The following GRIN2A variants were observed in gnomAD, a reference collection of about 807,000 sequenced individuals.
GRIN2A encodes the protein glutamate receptor ionotropic, NMDA 2A.
GRIN2A carries 22 observed loss-of-function variants against 113.4 expected under a neutral mutation model. That is an observed-to-expected ratio of 0.19 (90% CI 0.14 to 0.28). The LOEUF (loss-of-function observed/expected upper bound fraction) is 0.28. Among genes scored for constraint, GRIN2A ranks in the 10% least tolerant of loss-of-function variants. GRIN2A has a pLI of 1.00. For synonymous variants in GRIN2A, 827 were observed against 738.4 expected (o/e 1.12, Z -1.94); for missense variants, 1,502 against 1,887.0 (o/e 0.80, Z 3.78).
intron 2 of GRIN2A, among the ~76,000 whole-genome samples, chr16:10,123,651 G>T (rs2048874164): frequency 1.3e-5 from 2 of 152,150 alleles, no homozygotes; most frequent in Admixed American, 1.3e-4. Context: ...CGGTCAGTCT[G>T]GATGGGACCT....
In GRIN2A at chr16:10,106,961, T is replaced by C. The variant is rs556879349; in HGVS notation, c.414+73037A>G. On this transcript the variant is annotated intron_variant, in intron 2 of 12. Coordinates refer to ENST00000330684, the MANE Select transcript of GRIN2A (RefSeq NM_001134407.3). ...TTTCAGAGGAAGAAACTAAGACAAA[T>C]GAATCAGACAGAAGACATGATGTTC... 2.0e-5 allele frequency among the ~76,000 whole-genome samples: 3 copies of C among 152,044 alleles called. No individual in the cohort carries two copies. The South Asian group carries it at 6.3e-4, about 32-fold the overall frequency.
intron 2 of GRIN2A, among the ~76,000 whole-genome samples, chr16:10,144,905 A>G (rs2049404441): frequency 7.3e-6 from 1 of 137,496 alleles, no homozygotes; most frequent in East Asian, 2.0e-4. Context: ...TGGGCGACAG[A>G]GCAAGACCCT....
At chr16:10,135,536 A>G (rs1260803102) in intron 2 of GRIN2A, among the ~76,000 whole-genome samples, 3 of 152,196 alleles carry the variant, frequency 2.0e-5, no homozygotes, top group African/African-American at 7.2e-5. Context: ...TTTTTAAGGT[A>G]TTTGTTACAA....
chr16:9,922,137 A>G (rs754164738), intron 3 of GRIN2A, among the ~76,000 whole-genome samples: 2 of 152,184 alleles, frequency 1.3e-5, no homozygotes, highest in Non-Finnish European at 2.9e-5. Context: ...TGGAGCTACC[A>G]CTTACATCCT....
chr16:9,844,831 T>C (rs1820548239), intron 5 of GRIN2A, among the ~76,000 whole-genome samples: 1 of 152,186 alleles, frequency 6.6e-6, no homozygotes, highest in African/African-American at 2.4e-5. Context: ...TCAGGCCAAA[T>C]GATTTTTCCA....
intron 9 of GRIN2A, among the ~76,000 whole-genome samples, chr16:9,822,737 T>A (rs1420884161): frequency 6.6e-6 from 1 of 152,132 alleles, no homozygotes; most frequent in Non-Finnish European, 1.5e-5. Flanking sequence ...TTCAGTGCCA[T>A]TACAGAGACT....
At chr16:9,781,473 A>C (rs1901932055) in intron 11 of GRIN2A, among the ~76,000 whole-genome samples, 1 of 152,050 alleles carries the variant, frequency 6.6e-6, no homozygotes, top group African/African-American at 2.4e-5. Flanking sequence ...TGATCCTCCC[A>C]CCTCAGCTTC....
chr16:9,871,894 AG>A (rs2043268876), intron 4 of GRIN2A, among the ~76,000 whole-genome samples: 1 of 152,206 alleles, frequency 6.6e-6, no homozygotes, highest in African/African-American at 2.4e-5. Context: ...ATTTGATTGA[AG>A]AAAGTAGCAG....
intron 2 of GRIN2A, among the ~76,000 whole-genome samples, chr16:10,089,779 G>A (rs1020072247): frequency 6.6e-6 from 1 of 152,240 alleles, no homozygotes; most frequent in South Asian, 2.1e-4. Context: ...GTCTTGATAA[G>A]GTTCCATCAT....
intron 2 of GRIN2A, among the ~76,000 whole-genome samples, chr16:9,993,280 G>T (rs966534713): frequency 4.6e-5 from 7 of 151,910 alleles, no homozygotes; most frequent in Admixed American, 2.6e-4. Context: ...TTGGATATGG[G>T]GGTTCATGCC....
At chr16:9,808,401 A>ACAT in intron 10 of GRIN2A, among the ~76,000 whole-genome samples, 2 of 152,354 alleles carry the variant, frequency 1.3e-5, no homozygotes, top group South Asian at 4.1e-4. Flanking sequence ...AGTAGTGACG[A>ACAT]CATCACGGAA....
intron 2 of GRIN2A, among the ~76,000 whole-genome samples, chr16:10,130,355 A>C (rs1473483428): frequency 6.6e-6 from 1 of 152,216 alleles, no homozygotes; most frequent in Admixed American, 6.5e-5. Context: ...CACTCTTGTG[A>C]AGGCTACTTG....
At chr16:10,146,752 C>G (rs1387668899) in intron 2 of GRIN2A, among the ~76,000 whole-genome samples, 2 of 151,934 alleles carry the variant, frequency 1.3e-5, no homozygotes, top group East Asian at 3.9e-4. Flanking sequence ...TAATGGAATC[C>G]ACGTGTAATA....
intron 2 of GRIN2A, among the ~76,000 whole-genome samples, chr16:9,962,500 A>T (rs1271696951): frequency 6.6e-6 from 1 of 152,196 alleles, no homozygotes; most frequent in Non-Finnish European, 1.5e-5. Context: ...CAGCCAAAAA[A>T]CACATGAAAA....
chr16:10,142,775 C>A (rs1020871350), intron 2 of GRIN2A, among the ~76,000 whole-genome samples: 1 of 152,218 alleles, frequency 6.6e-6, no homozygotes, highest in African/African-American at 2.4e-5. Context: ...TCTCAAGTCC[C>A]TGTCTCTGAA....
rs537434593 is a variant in GRIN2A, at chr16:9,922,342, A to G, written c.1007+15617T>C. Among the ~76,000 whole-genome samples the G allele has an allele frequency of 1.1e-3, 167 of 152,278 alleles. 4 individuals are homozygous for G. The South Asian group carries it at 0.033, about 30-fold the overall frequency. On this transcript the variant is annotated intron_variant, in intron 3 of 12. Transcript: ENST00000330684. ...AAAAAAAAGGAGAATCAGAAAAGTTAAGAATCTTAACAAAGATTACAACCA... is the reference window on the plus strand; with the variant it reads ...AAAAAAAAGGAGAATCAGAAAAGTTGAGAATCTTAACAAAGATTACAACCA...
intron 2 of GRIN2A, among the ~76,000 whole-genome samples, chr16:10,130,777 A>C (rs983859294): frequency 8.5e-5 from 13 of 152,194 alleles, no homozygotes; most frequent in African/African-American, 3.1e-4. Context: ...GTCTTCATTA[A>C]GGGAGTTCGG....
intron 10 of GRIN2A, among the ~76,000 whole-genome samples, chr16:9,799,964 A>ATATTATTGTTATTAT (rs1018152206): frequency 1.5e-3 from 224 of 149,702 alleles, no homozygotes; most frequent in African/African-American, 5.4e-3. Flanking sequence ...CTGTGCCTAA[A>ATATTATTGTTATTAT]TATTATTATT....
rs141402252 is a variant in GRIN2A, at chr16:9,891,997, G to C, written c.1008-897C>G. ...TAATCCCAGCACTTTGGGAGGCTGA[G>C]GTAGGGGAATCACCTGAAGTCAGGA... is the stretch of plus-strand genomic sequence containing the variant. On this transcript the variant is annotated intron_variant, in intron 3 of 12. Coordinates refer to ENST00000330684, the MANE Select transcript of GRIN2A (RefSeq NM_001134407.3). 2.0e-3 allele frequency among the ~76,000 whole-genome samples: 309 copies of C among 152,292 alleles called. 3 individuals are homozygous for C. The East Asian group carries it at 0.045, about 22-fold the overall frequency.
Sources: gnomAD v4.1 joint callset for allele counts (sites outside exome capture counted in the v4.1 genomes callset) on GRCh38, gnomAD v4.1.1 for gene constraint, MANE v1.5 for transcripts, NCBI Gene and HGNC (gene_info 2026-07-23, HGNC 2026-07-21) for gene names.